EIF2B3: variants seen among roughly 807,000 people sequenced by gnomAD.
The protein encoded by EIF2B3 is translation initiation factor eIF2B subunit gamma.
Under a neutral mutation model 54.1 loss-of-function variants are expected in EIF2B3, and 20 were observed. That is an observed-to-expected ratio of 0.37 (90% CI 0.26 to 0.54). EIF2B3 has a LOEUF of 0.54. Among genes scored for constraint, EIF2B3 ranks in the 20% least tolerant of loss-of-function variants. The pLI is 0.86. For synonymous variants in EIF2B3, 153 were observed against 188.1 expected, an observed-to-expected ratio of 0.81 and a Z score of 1.52; for missense variants, 448 against 547.8, an observed-to-expected ratio of 0.82 and a Z score of 1.82.
chr1:44,979,518 G>A (rs1051771386), intron 2 of EIF2B3, among the ~76,000 whole-genome samples: 39 of 144,814 alleles, frequency 2.7e-4, no homozygotes, highest in African/African-American at 9.4e-4. Context: ...AAATTATCCA[G>A]GTGTGGTGGC....
rs1371706573 is a variant in EIF2B3, at chr1:44,879,900, A to C, written c.893T>G (p.Val298Gly). The change falls in exon 8 of 12, where the codon GTG becomes GGG. Residue 298 changes from valine (V) to glycine (G), a missense_variant. Transcript: ENST00000360403. The stretch of plus-strand genomic sequence containing the variant: ...TTTCATGATGTGGACATAGCAGCGC[A>C]CCTGTGATCTGGACAAGTCTTCCCA... ...DRWEDLSRSQ[V>G]RCYVHIMKEG... is the part of the protein sequence containing the mutation. 1.9e-6 allele frequency: 3 copies of C among 1,613,946 alleles called. No homozygotes were observed. Among genetic ancestry groups the C allele is most frequent in the Non-Finnish European group, 2.5e-6 (3 of 1,180,002 alleles).
intron 10 of EIF2B3, among the ~76,000 whole-genome samples, chr1:44,861,180 A>T (rs570835022): frequency 1.3e-5 from 2 of 152,242 alleles, no homozygotes; most frequent in South Asian, 4.1e-4. Flanking sequence ...TAACTTTCCA[A>T]CTTGCCTAAC....
chr1:44,876,457 C>T (rs1348899553), intron 8 of EIF2B3, among the ~76,000 whole-genome samples: 2 of 135,438 alleles, frequency 1.5e-5, no homozygotes, highest in Admixed American at 7.5e-5. Context: ...AGTGAGGAGA[C>T]CCTCTGCCTG....
chr1:44,918,412 G>A lies in EIF2B3; in HGVS notation c.566+8216C>T, dbSNP rs571027238. Among the ~76,000 whole-genome samples, 19 of 147,282 alleles carry A rather than the reference G, an allele frequency of 1.3e-4. No homozygotes were observed. The East Asian group carries it at 2.6e-3, about 20-fold the overall frequency. Reference sequence around the variant, plus strand: ...ATAGTAGCTTTTTTTTTTTTAAGACGGAGTTTCACTCTTGTTGCACAAGCT... The same window carrying A: ...ATAGTAGCTTTTTTTTTTTTAAGACAGAGTTTCACTCTTGTTGCACAAGCT... On this transcript the variant is annotated intron_variant, in intron 5 of 11. Coordinates refer to ENST00000360403, the MANE Select transcript of EIF2B3 (RefSeq NM_020365.5).
intron 3 of EIF2B3, among the ~76,000 whole-genome samples, chr1:44,970,969 G>A (rs990383599): frequency 6.6e-6 from 1 of 152,184 alleles, no homozygotes; most frequent in Non-Finnish European, 1.5e-5. Context: ...TTATATGTAA[G>A]AGATTCTGTG....
At chr1:44,917,914 C>T (rs1465054876) in intron 5 of EIF2B3, among the ~76,000 whole-genome samples, 1 of 150,268 alleles carries the variant, frequency 6.7e-6, no homozygotes, top group Non-Finnish European at 1.5e-5. Flanking sequence ...GCTGGGACTA[C>T]AGGCGCCTGC....
chr1:44,861,680 T>C (rs1350206235), intron 10 of EIF2B3, among the ~76,000 whole-genome samples: 1 of 152,288 alleles, frequency 6.6e-6, no homozygotes, highest in African/African-American at 2.4e-5. Flanking sequence ...ATCCAGTTGA[T>C]GTGTAGCTCT....
intron 3 of EIF2B3, among the ~76,000 whole-genome samples, chr1:44,947,648 C>T (rs1420598367): frequency 6.6e-6 from 1 of 152,028 alleles, no homozygotes; most frequent in Non-Finnish European, 1.5e-5. Flanking sequence ...CATTTACTCC[C>T]TTGGAAAAAA....
intron 5 of EIF2B3, among the ~76,000 whole-genome samples, chr1:44,911,442 A>G (rs1380117977): frequency 1.3e-5 from 2 of 152,204 alleles, no homozygotes; most frequent in Admixed American, 6.5e-5. Context: ...CTTGACATCT[A>G]TGAAGGAAAA....
At chr1:44,931,233 T>C (rs1272234674) in intron 4 of EIF2B3, among the ~76,000 whole-genome samples, 1 of 152,218 alleles carries the variant, frequency 6.6e-6, no homozygotes, top group Non-Finnish European at 1.5e-5. Flanking sequence ...GCCAACAGCA[T>C]GGTGGAAACT....
chr1:44,931,607 A>G (rs1386305795), intron 4 of EIF2B3, among the ~76,000 whole-genome samples: 1 of 152,278 alleles, frequency 6.6e-6, no homozygotes, highest in African/African-American at 2.4e-5. Context: ...AACATTTGTT[A>G]TGTAGTAAAA....
chr1:44,895,289 A>G (rs1655931341), intron 6 of EIF2B3, among the ~76,000 whole-genome samples: 1 of 152,068 alleles, frequency 6.6e-6, no homozygotes, highest in South Asian at 2.1e-4. Context: ...CAAGGTACAC[A>G]CACCATTGTG....
At chr1:44,953,392 C>T (rs893662305) in intron 3 of EIF2B3, among the ~76,000 whole-genome samples, 1 of 152,046 alleles carries the variant, frequency 6.6e-6, no homozygotes, top group African/African-American at 2.4e-5. Flanking sequence ...TTTCTCATTC[C>T]TCTCCCATTC....
At chr1:44,984,629 T>C (rs1480356857) in intron 1 of EIF2B3, among the ~76,000 whole-genome samples, 1 of 152,094 alleles carries the variant, frequency 6.6e-6, no homozygotes, top group Non-Finnish European at 1.5e-5. Flanking sequence ...AGGTTTGAAT[T>C]CTAGCTCTAC....
intron 6 of EIF2B3, among the ~76,000 whole-genome samples, chr1:44,886,202 C>T (rs990430245): frequency 2.6e-5 from 4 of 151,724 alleles, no homozygotes; most frequent in African/African-American, 4.8e-5. Flanking sequence ...GCCTCAAGCT[C>T]CCGAGTAGCT....
intron 5 of EIF2B3, among the ~76,000 whole-genome samples, chr1:44,917,975 G>A (rs1283328436): frequency 2.7e-5 from 4 of 148,446 alleles, no homozygotes; most frequent in African/African-American, 7.4e-5. Context: ...GGGTTTCACC[G>A]TGTTAGCCAG....
intron 5 of EIF2B3, among the ~76,000 whole-genome samples, chr1:44,919,796 A>G (rs1299647783): frequency 3.6e-5 from 5 of 140,390 alleles, no homozygotes; most frequent in African/African-American, 1.1e-4. Context: ...GGCTCACCGC[A>G]ATCTCCACCT....
intron 5 of EIF2B3, among the ~76,000 whole-genome samples, chr1:44,923,367 A>T (rs550005495): frequency 1.4e-4 from 21 of 152,350 alleles, no homozygotes; most frequent in African/African-American, 4.8e-4. Context: ...TATTTGATTG[A>T]TAGTTTGATT....
At chr1:44,889,295 G>A (rs1321080645) in intron 6 of EIF2B3, among the ~76,000 whole-genome samples, 1 of 152,196 alleles carries the variant, frequency 6.6e-6, no homozygotes, top group Non-Finnish European at 1.5e-5. Flanking sequence ...CAGCACTGTG[G>A]GAGGCTGAAG....
Sources: allele counts gnomAD v4.1 joint callset (sites outside exome capture counted in the v4.1 genomes callset), GRCh38; gene constraint gnomAD v4.1.1; transcripts MANE v1.5; gene names NCBI Gene and HGNC (gene_info 2026-07-23, HGNC 2026-07-21).